Variants in LRRC27 observed in about 807,000 individuals in gnomAD.
LRRC27 encodes leucine rich repeat containing 27.
Under a neutral mutation model 55.0 loss-of-function variants are expected in LRRC27, and 57 were observed. The ratio of observed to expected loss-of-function variants is 1.04; its 90% CI spans 0.84 to 1.29. LRRC27 has a LOEUF of 1.29. LRRC27 is among the 50% of genes most tolerant of loss of function. The pLI is 0.00. For synonymous variants in LRRC27, 278 were observed against 251.9 expected (o/e 1.10, Z -0.98); for missense variants, 721 against 651.5 (o/e 1.11, Z -1.16).
intron 4 of LRRC27, among the ~76,000 whole-genome samples, chr10:132,343,157 A>G (rs935588620): frequency 1.3e-5 from 2 of 152,166 alleles, no homozygotes; most frequent in Non-Finnish European, 2.9e-5. Flanking sequence ...AAAATAAAAT[A>G]AAATAAAATT....
intron 10 of LRRC27, among the ~76,000 whole-genome samples, chr10:132,368,566 C>G (rs564412351): frequency 6.6e-6 from 1 of 152,146 alleles, no homozygotes; most frequent in African/African-American, 2.4e-5. Flanking sequence ...GTGGAGAAAG[C>G]GTAGTCTTCA....
rs73385095 is a variant in LRRC27 at position 132,380,462 on chromosome 10, G to A, written c.*5220G>A. On this transcript the variant is annotated 3_prime_UTR_variant, in exon 11 of 11. Coordinates refer to ENST00000368614, the MANE Select transcript of LRRC27 (RefSeq NM_030626.3). ...GTGTGGTGCTAATCTCTGCACGAGCGGTTCATGTCTTCAGTACATTGTGTA... is the reference window on the plus strand; with the variant it reads ...GTGTGGTGCTAATCTCTGCACGAGCAGTTCATGTCTTCAGTACATTGTGTA... Among the ~76,000 whole-genome samples, 1,281 of 152,206 alleles carry A rather than the reference G, an allele frequency of 8.4e-3. 19 individuals are homozygous for A. The highest frequency in any genetic ancestry group is 0.028 in the African/African-American group (1,181 of 41,522).
intron 10 of LRRC27, chr10:132,366,715 C>G (rs1169444216): frequency 1.7e-6 from 1 of 588,444 alleles, no homozygotes; most frequent in Non-Finnish European, 2.3e-6. Flanking sequence ...CAGGCTGGTG[C>G]GAGCTGCATC....
intron 2 of LRRC27, among the ~76,000 whole-genome samples, chr10:132,335,629 G>T (rs2067090513): frequency 6.6e-6 from 1 of 152,076 alleles, no homozygotes; most frequent in African/African-American, 2.4e-5. Context: ...GGTAGGGGCT[G>T]TACGGTGCAG....
At chr10:132,373,540 G>A (rs927988755) in intron 10 of LRRC27, among the ~76,000 whole-genome samples, 4 of 152,180 alleles carry the variant, frequency 2.6e-5, no homozygotes, top group Non-Finnish European at 4.4e-5. Flanking sequence ...AGCAGGCGCC[G>A]GGATTCGGTA....
At chr10:132,331,820 C>G (rs2066765575), upstream of LRRC27, 2 of 1,553,170 alleles carry the variant, frequency 1.3e-6, no homozygotes, top group African/African-American at 1.4e-5. Flanking sequence ...ACCACCACCC[C>G]TTCAAGGCCG....
rs189793028 is a variant in LRRC27, at chr10:132,340,061, A to G, written c.342-2152A>G. Among the ~76,000 whole-genome samples the G allele has an allele frequency of 2.8e-4, 42 of 152,338 alleles. 1 individual carries two copies. The East Asian group carries it at 3.9e-3, about 14-fold the overall frequency. On this transcript the variant is annotated intron_variant, in intron 3 of 10. Transcript: ENST00000368614. The stretch of plus-strand genomic sequence containing the variant: ...AAAACAGTGACGGTGTTAGCATGCC[A>G]CCTTCTCAGTGTCCTGGATGTGTCA...
In LRRC27 at chr10:132,379,240, A is replaced by G. The variant is rs1407549177; in HGVS notation, c.*3998A>G. 7.1e-6 allele frequency: 1 copy of G among 140,606 alleles called. No homozygotes were observed. Among genetic ancestry groups the G allele is most frequent in the African/African-American group, 2.8e-5 (1 of 36,106 alleles). The allele number at this position is 140,606 out of a possible 1,614,324, so 8.7% of individuals were successfully genotyped here. ...GTGTTCTCGGGGAGTGCGTGGTCTCAGATCCCATCCTGCTCCTCTCCAGAG... is the reference window on the plus strand; with the variant it reads ...GTGTTCTCGGGGAGTGCGTGGTCTCGGATCCCATCCTGCTCCTCTCCAGAG... On this transcript the variant is annotated 3_prime_UTR_variant, in exon 11 of 11. Transcript: ENST00000368614.
rs1245483853 is a variant in LRRC27 at position 132,363,115 on chromosome 10, G to C, written c.1289+1540G>C. 3.2e-5 allele frequency among the ~76,000 whole-genome samples: 4 copies of C among 123,712 alleles called. No individual in the cohort carries two copies. In the East Asian group the frequency reaches 6.3e-4, roughly 19 times the overall value. The allele number at this position is 123,712 out of a possible 152,430, so 81.2% of individuals were successfully genotyped here. On this transcript the variant is annotated intron_variant, in intron 9 of 10. Transcript: ENST00000368614. ...ACCCTTCTCACCTCACACCAGCTCG[G>C]GGGTCCAGGGCTCACCCTTCTCACC...
chr10:132,344,555 C>T lies in LRRC27; in HGVS notation c.458C>T (p.Pro153Leu). ...AGACACTGCCCTCTGGAATTCCCTC[C>T]TCAGCTCGTTGTGCAGAAGGGATTG... ...NLRHCPLEFP[P>L]QLVVQKGLVA... The change falls in exon 5 of 11, where the codon CCT (proline) becomes CTT (leucine). Residue 153 changes from proline (P) to leucine (L), a missense_variant. Transcript: ENST00000368614. 1 of 1,614,176 alleles carries T rather than the reference C, an allele frequency of 6.2e-7. No homozygotes were observed. Among genetic ancestry groups the T allele is most frequent in the Middle Eastern group, 1.6e-4 (1 of 6,062 alleles).
intron 10 of LRRC27, chr10:132,366,314 T>C (rs1028850216): frequency 2.0e-5 from 3 of 152,524 alleles, no homozygotes; most frequent in African/African-American, 7.2e-5. Context: ...CCGATATTCA[T>C]GGGGATCCAA....
rs549358232 is a variant in LRRC27, at chr10:132,350,626, G to C, written c.927-981G>C. The C allele has an allele frequency of 6.5e-5, 10 of 152,682 alleles. No homozygotes were observed. The East Asian group carries it at 1.7e-3, about 26-fold the overall frequency. The allele number at this position is 152,682 out of a possible 1,614,324, so 9.5% of individuals were successfully genotyped here. ...GGAAGGTCATGCAGCGTGGGGGGGC[G>C]GGCCAGCCTCCTGGGACGTGGCCAC... On this transcript the variant is annotated intron_variant, in intron 6 of 10. Transcript: ENST00000368614.
intron 10 of LRRC27, among the ~76,000 whole-genome samples, chr10:132,368,179 C>T (rs1390767999): frequency 6.6e-6 from 1 of 152,178 alleles, no homozygotes; most frequent in Non-Finnish European, 1.5e-5. Flanking sequence ...AACGACAAAA[C>T]TTTAATGAAA....
chr10:132,373,832 G>A lies in LRRC27; in HGVS notation c.1417-1234G>A, dbSNP rs116063007. Among the ~76,000 whole-genome samples, 232 of 152,298 alleles carry A rather than the reference G, an allele frequency of 1.5e-3. 2 individuals are homozygous for A. Among genetic ancestry groups the A allele is most frequent in the African/African-American group, 5.3e-3 (219 of 41,566 alleles). On this transcript the variant is annotated intron_variant, in intron 10 of 10. Coordinates refer to ENST00000368614, the MANE Select transcript of LRRC27 (RefSeq NM_030626.3). ...GACTTGGCCAGTGGAGGAGGATGTC[G>A]AGAGAGGTTTACAGTTTGAGAGGAT...
intron 8 of LRRC27, among the ~76,000 whole-genome samples, chr10:132,360,437 T>C (rs1057080295): frequency 6.6e-6 from 1 of 152,146 alleles, no homozygotes. Context: ...GGAAGAACCT[T>C]TGGGAGAATC....
At chr10:132,337,847 G>A (rs970826407) in intron 3 of LRRC27, 152 bp downstream of exon 3, 21 of 830,694 alleles carry the variant, frequency 2.5e-5, no homozygotes, top group African/African-American at 1.7e-4. Context: ...AGGTTGCGAC[G>A]GCTGAATGTA....
intron 7 of LRRC27, chr10:132,352,829 A>C: frequency 1.9e-6 from 3 of 1,597,688 alleles, no homozygotes; most frequent in Non-Finnish European, 2.6e-6. Flanking sequence ...TGGCTTCCTC[A>C]CGACACCTGC....
chr10:132,362,460 G>A (rs1315349112), intron 9 of LRRC27, among the ~76,000 whole-genome samples: 1 of 152,194 alleles, frequency 6.6e-6, no homozygotes, highest in Non-Finnish European at 1.5e-5. Flanking sequence ...GGCAGGACAC[G>A]CTCCACAGTG....
chr10:132,344,392 A>C, intron 4 of LRRC27, 106 bp from the exon 5 acceptor site: 1 of 1,229,958 alleles, frequency 8.1e-7, no homozygotes, highest in Non-Finnish European at 1.1e-6. Flanking sequence ...CCAAATACTG[A>C]ATAGAATCAT....
Sources: allele counts gnomAD v4.1 joint callset (sites outside exome capture counted in the v4.1 genomes callset), GRCh38; gene constraint gnomAD v4.1.1; transcripts MANE v1.5; gene names NCBI Gene and HGNC (gene_info 2026-07-23, HGNC 2026-07-21).